ARHGEF16: variants seen among roughly 807,000 people sequenced by gnomAD.
The protein encoded by ARHGEF16 is Rho guanine nucleotide exchange factor 16.
ARHGEF16 carries 59 observed loss-of-function variants against 74.1 expected under a neutral mutation model. The ratio of observed to expected loss-of-function variants is 0.80; its 90% CI spans 0.65 to 0.99. ARHGEF16 has a LOEUF of 0.99. ARHGEF16 is among the 50% of genes least tolerant of loss of function. The pLI is 0.00. For synonymous variants in ARHGEF16, 415 were observed against 412.6 expected, an observed-to-expected ratio of 1.01 and a Z score of -0.07; for missense variants, 948 against 986.6, an observed-to-expected ratio of 0.96 and a Z score of 0.52.
At chr1:3,460,777 C>G (rs1456912319) in intron 1 of ARHGEF16, among the ~76,000 whole-genome samples, 1 of 152,164 alleles carries the variant, frequency 6.6e-6, no homozygotes, top group East Asian at 1.9e-4. Flanking sequence ...TGCCGCTGTC[C>G]TTGACCAGTG....
chr1:3,474,135 G>A (rs901608383), intron 8 of ARHGEF16: 1 of 188,348 alleles, frequency 5.3e-6, no homozygotes. Context: ...GCATTGCACC[G>A]ATGCATGCAC....
intron 3 of ARHGEF16, 41 bp downstream of exon 3, chr1:3,466,234 T>C: frequency 6.5e-7 from 1 of 1,527,184 alleles, no homozygotes; most frequent in Middle Eastern, 1.7e-4. Context: ...TGGGCTCCAG[T>C]TGAAACTGGT....
intron 1 of ARHGEF16, among the ~76,000 whole-genome samples, chr1:3,458,554 G>C (rs1471554650): frequency 6.6e-6 from 1 of 152,256 alleles, no homozygotes; most frequent in Non-Finnish European, 1.5e-5. Flanking sequence ...GCATGGGGCT[G>C]GGGGTCCCAT....
At chr1:3,457,590 C>T (rs1157320756) in intron 1 of ARHGEF16, among the ~76,000 whole-genome samples, 3 of 145,680 alleles carry the variant, frequency 2.1e-5, no homozygotes, top group South Asian at 2.1e-4. Flanking sequence ...GGCAGGAGGG[C>T]GGGGCTACAG....
intron 2 of ARHGEF16, chr1:3,465,917 C>G (rs1201448700): frequency 9.0e-6 from 5 of 558,200 alleles, no homozygotes; most frequent in Non-Finnish European, 1.6e-5. Flanking sequence ...ATGAGTTCAA[C>G]CCTTCCTCCT....
intron 10 of ARHGEF16, among the ~76,000 whole-genome samples, chr1:3,476,830 G>T (rs1156517336): frequency 6.6e-6 from 1 of 152,094 alleles, no homozygotes; most frequent in Non-Finnish European, 1.5e-5. Context: ...CTGGGGGAGG[G>T]GGCTCCCGGG....
chr1:3,476,911 C>T (rs1416902717), intron 10 of ARHGEF16, among the ~76,000 whole-genome samples: 3 of 152,136 alleles, frequency 2.0e-5, no homozygotes, highest in Non-Finnish European at 4.4e-5. Context: ...TGAGCCCACA[C>T]CCGTGCAGCC....
At chr1:3,455,048 C>G (rs115427362) in intron 1 of ARHGEF16, among the ~76,000 whole-genome samples, 4 of 151,638 alleles carry the variant, frequency 2.6e-5, no homozygotes, top group Admixed American at 6.5e-5. Context: ...CCCGCCCCCC[C>G]ACACACACCA....
chr1:3,465,928 C>A (rs1373676325), intron 2 of ARHGEF16: 2 of 571,350 alleles, frequency 3.5e-6, no homozygotes, highest in East Asian at 3.1e-5. Context: ...CCTTCCTCCT[C>A]CTCCAAGCAG....
rs567859784 is a variant in ARHGEF16, at chr1:3,473,447, G to A, written c.1230G>A (p.Ala410=). The change falls in exon 8 of 15, where the codon GCG becomes GCA. Residue 410 remains alanine (A), a synonymous_variant. Transcript: ENST00000378378. ...EALREIERRP[A]CGGLPMLSFL... ...TGAGAGAGATTGAGAGGCGGCCGGC[G>A]TGCGGGGGCCTGCCCATGCTCTCCT... The A allele has an allele frequency of 1.6e-5, 25 of 1,612,594 alleles. No individual in the cohort carries two copies. Among genetic ancestry groups the A allele is most frequent in the South Asian group, 6.6e-5 (6 of 91,064 alleles).
chr1:3,479,709 T>G, intron 13 of ARHGEF16, 103 bp from the exon 14 acceptor site: 2 of 1,514,388 alleles, frequency 1.3e-6, no homozygotes, highest in South Asian at 1.1e-5. Context: ...AGTCGGGGGA[T>G]GGGGTGCCCC....
intron 1 of ARHGEF16, among the ~76,000 whole-genome samples, chr1:3,462,650 A>G (rs889544968): frequency 2.6e-5 from 4 of 152,202 alleles, no homozygotes; most frequent in Non-Finnish European, 5.9e-5. Flanking sequence ...ATTCCAGGCC[A>G]GGTCTTCAGG....
intron 6 of ARHGEF16, chr1:3,472,645 A>T (rs1639759251): frequency 6.2e-6 from 1 of 160,408 alleles, no homozygotes; most frequent in Admixed American, 6.2e-5. Flanking sequence ...TCCCAGGGGC[A>T]AGCTGGTGCG....
At chr1:3,468,191 T>C (rs1457412098) in intron 4 of ARHGEF16, among the ~76,000 whole-genome samples, 1 of 152,158 alleles carries the variant, frequency 6.6e-6, no homozygotes, top group Non-Finnish European at 1.5e-5. Context: ...CTGCCAGAGT[T>C]TCCGACCCTG....
intron 6 of ARHGEF16, among the ~76,000 whole-genome samples, chr1:3,471,116 AG>A (rs1391079161): frequency 1.2e-4 from 17 of 145,792 alleles, no homozygotes; most frequent in African/African-American, 4.4e-4. Context: ...GTGCCTGGGC[AG>A]GGGTGTGTGT....
chr1:3,474,724 C>T lies in ARHGEF16; in HGVS notation c.1322C>T (p.Thr441Ile). 1 of 1,612,890 alleles carries T rather than the reference C, an allele frequency of 6.2e-7. No individual in the cohort carries two copies. The highest frequency in any genetic ancestry group is 8.5e-7 in the Non-Finnish European group (1 of 1,179,958). The part of the protein sequence containing the change: ...PLLMDTLCLK[T>I]QGHSERYKAA... ...TCCATCCAGACGCTCTGCCTCAAGA[C>T]CCAGGGCCACTCCGAAAGGTACAAG... Residue 441 changes from threonine (T) to isoleucine (I), a missense_variant, in exon 9 of 15, where the codon ACC becomes ATC. By Grantham distance (89) the Thr-to-Ile change is moderately conservative. Transcript: ENST00000378378.
At chr1:3,480,079 G>A (rs1640014440) in intron 14 of ARHGEF16, among the ~76,000 whole-genome samples, 166 bp downstream of exon 14, 1 of 152,222 alleles carries the variant, frequency 6.6e-6, no homozygotes, top group African/African-American at 2.4e-5. Flanking sequence ...CCAAACCTCA[G>A]AATCAAAAGC....
chr1:3,474,412 C>A, intron 8 of ARHGEF16: 1 of 393,440 alleles, frequency 2.5e-6, no homozygotes, highest in Non-Finnish European at 4.7e-6. Context: ...AATGGGGCTG[C>A]CAGGGGGCCT....
At chr1:3,466,048 A>G (rs1639534108) in intron 2 of ARHGEF16, 100 bp from the exon 3 acceptor site, 1 of 1,316,170 alleles carries the variant, frequency 7.6e-7, no homozygotes, top group Non-Finnish European at 1.1e-6. Context: ...ACAGCTTCGC[A>G]TGTGGAGCCG....
Sources: allele counts gnomAD v4.1 joint callset (sites outside exome capture counted in the v4.1 genomes callset), GRCh38; gene constraint gnomAD v4.1.1; transcripts MANE v1.5; gene names NCBI Gene and HGNC (gene_info 2026-07-23, HGNC 2026-07-21).